DNER: variants seen among roughly 807,000 people sequenced by gnomAD.
DNER encodes the protein delta/notch like EGF repeat containing, also known as delta and Notch-like epidermal growth factor-related receptor.
Under a neutral mutation model 78.2 loss-of-function variants are expected in DNER, and 33 were observed. That is an observed-to-expected ratio of 0.42 (90% CI 0.32 to 0.56). The LOEUF (loss-of-function observed/expected upper bound fraction) is 0.56, where lower values mean the gene tolerates loss of function less well. Among genes scored for constraint, DNER ranks in the 20% least tolerant of loss-of-function variants. The pLI is 0.11. For synonymous variants in DNER, 417 were observed against 384.8 expected (o/e 1.08, Z -0.98); for missense variants, 918 against 975.3 (o/e 0.94, Z 0.78).
chr2:229,711,161 A>C (rs1303918344), intron 1 of DNER, among the ~76,000 whole-genome samples: 1 of 152,070 alleles, frequency 6.6e-6, no homozygotes, highest in Admixed American at 6.6e-5. Context: ...TTGGGGCTGG[A>C]GTAGCACAGG....
intron 1 of DNER, among the ~76,000 whole-genome samples, chr2:229,663,001 T>C (rs1364626812): frequency 6.6e-6 from 1 of 152,220 alleles, no homozygotes; most frequent in African/African-American, 2.4e-5. Flanking sequence ...TATTCTAAGA[T>C]TGGGTGCTCC....
At chr2:229,657,103 C>T (rs1013149970) in intron 1 of DNER, among the ~76,000 whole-genome samples, 7 of 151,872 alleles carry the variant, frequency 4.6e-5, no homozygotes, top group African/African-American at 1.7e-4. Flanking sequence ...ACCTTCAATC[C>T]CAGAACTTAT....
intron 5 of DNER, among the ~76,000 whole-genome samples, chr2:229,517,344 G>C (rs1232959291): frequency 6.6e-6 from 1 of 152,186 alleles, no homozygotes; most frequent in African/African-American, 2.4e-5. Flanking sequence ...AAGTGGTATA[G>C]TAAATTAAGT....
intron 7 of DNER, among the ~76,000 whole-genome samples, chr2:229,461,348 A>G (rs1053548066): frequency 4.6e-5 from 7 of 152,180 alleles, no homozygotes; most frequent in African/African-American, 1.7e-4. Flanking sequence ...TCTTTTTATT[A>G]GCACGGCTCT....
chr2:229,396,587 G>T (rs1159671933), intron 10 of DNER, among the ~76,000 whole-genome samples: 1 of 152,176 alleles, frequency 6.6e-6, no homozygotes, highest in Non-Finnish European at 1.5e-5. Context: ...AGTTGCTAAA[G>T]GTAAAAGTTA....
intron 7 of DNER, among the ~76,000 whole-genome samples, chr2:229,461,569 A>G (rs1694702215): frequency 1.3e-5 from 2 of 152,092 alleles, no homozygotes; most frequent in African/African-American, 4.8e-5. Flanking sequence ...GAGAACAAAT[A>G]CAATACTGCT....
chr2:229,663,582 A>C (rs924747348), intron 1 of DNER, among the ~76,000 whole-genome samples: 2 of 152,214 alleles, frequency 1.3e-5, no homozygotes, highest in Non-Finnish European at 2.9e-5. Context: ...TTTTCATGTA[A>C]AATTTTTAAA....
chr2:229,499,816 C>A (rs1695577593), intron 6 of DNER, among the ~76,000 whole-genome samples: 2 of 152,134 alleles, frequency 1.3e-5, no homozygotes, highest in South Asian at 2.1e-4. Flanking sequence ...TTGCAAACCA[C>A]ACGTCTGATA....
At chr2:229,691,482 T>C (rs962954417) in intron 1 of DNER, among the ~76,000 whole-genome samples, 11 of 152,162 alleles carry the variant, frequency 7.2e-5, no homozygotes, top group African/African-American at 2.4e-4. Flanking sequence ...CGTTCAAAGA[T>C]TGGAGCCTAA....
At chr2:229,586,522 A>T (rs1333941919) in intron 3 of DNER, among the ~76,000 whole-genome samples, 1 of 5,568 alleles carries the variant, frequency 1.8e-4, no homozygotes, top group Non-Finnish European at 3.7e-4. Flanking sequence ...AAAAAAAAAA[A>T]AAAAAAAAAA....
chr2:229,421,303 T>C (rs1313065623), intron 8 of DNER, among the ~76,000 whole-genome samples: 1 of 152,122 alleles, frequency 6.6e-6, no homozygotes, highest in Non-Finnish European at 1.5e-5. Context: ...GCTATTTAAC[T>C]ATGCAAGATG....
chr2:229,394,988 G>T (rs548580922), intron 10 of DNER, among the ~76,000 whole-genome samples: 1 of 152,232 alleles, frequency 6.6e-6, no homozygotes, highest in Admixed American at 6.5e-5. Flanking sequence ...CTGACAGTCT[G>T]GGATCCCTTG....
chr2:229,540,135 T>C (rs73105614), intron 5 of DNER, among the ~76,000 whole-genome samples: 13 of 152,208 alleles, frequency 8.5e-5, no homozygotes, highest in African/African-American at 1.4e-4. Flanking sequence ...CTACTTCCCA[T>C]TGGAGATTAG....
At chr2:229,510,734 A>T (rs1181412494) in intron 6 of DNER, among the ~76,000 whole-genome samples, 1 of 152,150 alleles carries the variant, frequency 6.6e-6, no homozygotes, top group Non-Finnish European at 1.5e-5. Flanking sequence ...ACCTAAATGG[A>T]GATGCCATGT....
chr2:229,387,507 GAGAGAAAGAAAGAA>G (rs1559337856), intron 11 of DNER, among the ~76,000 whole-genome samples: 3,060 of 95,732 alleles, frequency 0.032, 74 homozygotes, highest in East Asian at 0.078. Flanking sequence ...AAGAAAGAAA[GAGAGAAAGAAAGAA>G]AGAAAGAAAG....
intron 1 of DNER, among the ~76,000 whole-genome samples, chr2:229,707,757 T>G (rs1187383278): frequency 1.3e-5 from 2 of 152,224 alleles, no homozygotes; most frequent in Non-Finnish European, 2.9e-5. Context: ...AAATAAAACA[T>G]GAGGAGTGAT....
intron 9 of DNER, among the ~76,000 whole-genome samples, chr2:229,409,891 C>T (rs1238593826): frequency 6.6e-6 from 1 of 152,138 alleles, no homozygotes; most frequent in Non-Finnish European, 1.5e-5. Flanking sequence ...TCATATTGCT[C>T]AGCTTGTCAT....
intron 1 of DNER, among the ~76,000 whole-genome samples, chr2:229,711,385 G>C (rs1022672525): frequency 1.3e-5 from 2 of 152,140 alleles, no homozygotes; most frequent in Admixed American, 1.3e-4. Context: ...ATAAGACCCA[G>C]TAGTTTTAAC....
chr2:229,591,635 G>A lies in DNER; in HGVS notation c.530C>T (p.Thr177Ile), dbSNP rs568791435. ...TTTCTGCCCTGTTTTCGGCTGCCAGGTAGGCAGTGTCACCGTTGCCTGAGA... is the reference window on the plus strand; with the variant it reads ...TTTCTGCCCTGTTTTCGGCTGCCAGATAGGCAGTGTCACCGTTGCCTGAGA... ...PRSQATVTLP[T>I]WQPKTGQKVV... Residue 177 changes from threonine (T) to isoleucine (I), a missense_variant, in exon 2 of 13, where the codon ACC becomes ATC. Coordinates refer to ENST00000341772, the MANE Select transcript of DNER (RefSeq NM_139072.4). The surrounding 1 kb of genome is among the most constrained non-coding windows in gnomAD (Gnocchi z 4.6). 1 of 1,614,152 alleles carries A rather than the reference G, an allele frequency of 6.2e-7. No homozygotes were observed.
Sources: allele counts gnomAD v4.1 joint callset (sites outside exome capture counted in the v4.1 genomes callset), GRCh38; gene constraint gnomAD v4.1.1; non-coding constraint Gnocchi (gnomAD v3.1); transcripts MANE v1.5; gene names NCBI Gene and HGNC (gene_info 2026-07-23, HGNC 2026-07-21).